SLC2A14: variants seen among roughly 807,000 people sequenced by gnomAD.
SLC2A14 encodes solute carrier family 2, facilitated glucose transporter member 14.
A neutral mutation model predicts 43.0 loss-of-function variants in SLC2A14; 13 were observed. The ratio of observed to expected loss-of-function variants is 0.30; its 90% confidence interval spans 0.20 to 0.48. SLC2A14 has a LOEUF of 0.48. Ranked by LOEUF, SLC2A14 falls within the 20% of genes least tolerant of loss-of-function variation. The pLI is 0.99. For synonymous variants in SLC2A14, 190 were observed against 233.8 expected, an observed-to-expected ratio of 0.81 and a Z score of 1.71; for missense variants, 428 against 620.4, an observed-to-expected ratio of 0.69 and a Z score of 3.29.
chr12:7,815,300 TA>T (rs1863337416), intron 10 of SLC2A14, among the ~76,000 whole-genome samples: 1 of 151,454 alleles, frequency 6.6e-6, no homozygotes, highest in African/African-American at 2.4e-5. Context: ...CCTGTAATCC[TA>T]GCTACTCAGG....
chr12:7,862,568 C>T (rs1044135962), intron 2 of SLC2A14, among the ~76,000 whole-genome samples: 10 of 152,128 alleles, frequency 6.6e-5, no homozygotes, highest in Non-Finnish European at 1.5e-4. Context: ...CTAAGGAATG[C>T]GAGCACATGG....
intron 2 of SLC2A14, among the ~76,000 whole-genome samples, chr12:7,837,499 C>T (rs1469262192): frequency 6.6e-6 from 1 of 151,976 alleles, no homozygotes; most frequent in East Asian, 1.9e-4. Context: ...ACTAGCCAGC[C>T]ATAGTGGCGC....
intron 1 of SLC2A14, among the ~76,000 whole-genome samples, chr12:7,880,625 G>A (rs10846111): frequency 0.44 from 65,122 of 146,358 alleles, 14,798 homozygotes; most frequent in Middle Eastern, 0.58. Context: ...TCAGGAGATC[G>A]AGACCATCCT....
At position 7,816,323 on chromosome 12, in the gene SLC2A14, C is replaced by A. The variant is rs1863451752; in HGVS notation, c.1275+1508G>T. Among the ~76,000 whole-genome samples, 2 of 51,930 alleles carry A rather than the reference C, an allele frequency of 3.9e-5. 1 individual carries two copies. Among genetic ancestry groups the A allele is most frequent in the African/African-American group, 1.7e-4 (2 of 12,038 alleles). The allele number at this position is 51,930 out of a possible 152,430, so 34.1% of individuals were successfully genotyped here. A position where few individuals can be genotyped will look rare whatever the true frequency, so the allele number is the denominator to read the frequency against. On this transcript the variant is annotated intron_variant, in intron 10 of 10. Transcript: ENST00000431042. ...GTTTCACCTTGTTAGCCAGGATGGT[C>A]TCGATCTCCTGACCTCATGATCCAC...
At chr12:7,835,958 TG>T (rs1167584768) in intron 2 of SLC2A14, among the ~76,000 whole-genome samples, 1 of 152,198 alleles carries the variant, frequency 6.6e-6, no homozygotes, top group Non-Finnish European at 1.5e-5. Flanking sequence ...CTGTCTAAAC[TG>T]GGTTTAAATC....
chr12:7,826,004 G>A (rs1220200328), intron 7 of SLC2A14, among the ~76,000 whole-genome samples: 2 of 151,490 alleles, frequency 1.3e-5, no homozygotes, highest in African/African-American at 4.9e-5. Context: ...ACTAACGCAA[G>A]GTACATTCTT....
intron 6 of SLC2A14, 71 bp downstream of exon 6, chr12:7,828,633 A>T: frequency 6.7e-7 from 1 of 1,487,200 alleles, no homozygotes; most frequent in South Asian, 1.2e-5. Context: ...CAGAAAATAG[A>T]TCCAGTACCC....
intron 2 of SLC2A14, among the ~76,000 whole-genome samples, chr12:7,860,917 C>G (rs754060541): frequency 6.6e-6 from 1 of 151,906 alleles, no homozygotes; most frequent in Admixed American, 6.6e-5. Context: ...CTCAGCCTCC[C>G]GAGTAGCTAG....
At chr12:7,833,868 A>C (rs899919002) in intron 2 of SLC2A14, among the ~76,000 whole-genome samples, 2 of 151,940 alleles carry the variant, frequency 1.3e-5, no homozygotes, top group African/African-American at 4.8e-5. Flanking sequence ...CAGCTGGGCA[A>C]GTGGATATTA....
chr12:7,817,102 T>C (rs1023477869), intron 10 of SLC2A14, among the ~76,000 whole-genome samples: 1 of 152,148 alleles, frequency 6.6e-6, no homozygotes, highest in East Asian at 1.9e-4. Flanking sequence ...GAGGGACTAC[T>C]GTATTACTAT....
upstream of SLC2A14, among the ~76,000 whole-genome samples, chr12:7,875,034 TATAAATA>T: frequency 1.7e-5 from 2 of 115,388 alleles, no homozygotes; most frequent in South Asian, 2.5e-4. Flanking sequence ...TAAATACATA[TATAAATA>T]TATATTTATA....
intron 2 of SLC2A14, among the ~76,000 whole-genome samples, chr12:7,857,418 G>A (rs1019604412): frequency 2.0e-4 from 30 of 151,832 alleles, no homozygotes; most frequent in Non-Finnish European, 1.3e-4. Flanking sequence ...GTGAAACCCC[G>A]TCTCTATTAA....
intron 2 of SLC2A14, among the ~76,000 whole-genome samples, chr12:7,865,750 A>G (rs767322065): frequency 6.6e-6 from 1 of 152,118 alleles, no homozygotes; most frequent in Non-Finnish European, 1.5e-5. Flanking sequence ...AGAGTCAAAC[A>G]TATCTCACTT....
At chr12:7,814,787 T>C (rs1863286804) in intron 10 of SLC2A14, among the ~76,000 whole-genome samples, 1 of 152,016 alleles carries the variant, frequency 6.6e-6, no homozygotes, top group Non-Finnish European at 1.5e-5. Flanking sequence ...ATTTTTGGAC[T>C]TTTGAGTATT....
intron 9 of SLC2A14, 57 bp from the exon 10 acceptor site, chr12:7,818,091 A>G: frequency 6.6e-7 from 1 of 1,520,490 alleles, no homozygotes; most frequent in Non-Finnish European, 8.9e-7. Context: ...CCCAGGATCT[A>G]GGTTCCCAGA....
intron 2 of SLC2A14, among the ~76,000 whole-genome samples, chr12:7,846,707 C>T (rs1298410141): frequency 6.7e-6 from 1 of 149,160 alleles, no homozygotes; most frequent in Non-Finnish European, 1.5e-5. Context: ...TCTTGGCTCA[C>T]TCCAACCTCT....
At chr12:7,856,769 A>C (rs780560135) in intron 2 of SLC2A14, among the ~76,000 whole-genome samples, 184 of 152,252 alleles carry the variant, frequency 1.2e-3, no homozygotes, top group African/African-American at 4.3e-3. Flanking sequence ...CTGCTGAGTC[A>C]CAATTTCAGC....
chr12:7,889,264 G>A (rs185576713), intron 1 of SLC2A14, among the ~76,000 whole-genome samples: 2 of 118,042 alleles, frequency 1.7e-5, no homozygotes, highest in African/African-American at 3.3e-5. Flanking sequence ...ACTGAGTTTC[G>A]CTCTTGTTGT....
Position 7,829,942 on chromosome 12 carries a change from T to C in SLC2A14, c.337A>G (p.Lys113Glu), listed in dbSNP as rs765766753. 4.3e-6 allele frequency: 7 copies of C among 1,614,072 alleles called. No homozygotes were observed. In the African/African-American group the frequency reaches 6.7e-5, roughly 15 times the overall value. Residue 113 changes from lysine to glutamate, a missense_variant, in exon 5 of 11, where the codon AAA becomes GAA. Lys to Glu is a moderately conservative substitution (Grantham distance 56). Coordinates refer to ENST00000431042, the MANE Select transcript of SLC2A14 (RefSeq NM_001286234.2). ...AGCATTTCAACTGACTCAGCTATTT[T>C]ACACAGTCCCATAAGGCAGCCACCA... ...ATGGCLMGLC[K>E]IAESVEMLIL...
Sources: allele counts gnomAD v4.1 joint callset (sites outside exome capture counted in the v4.1 genomes callset), GRCh38; gene constraint gnomAD v4.1.1; transcripts MANE v1.5; gene names NCBI Gene and HGNC (gene_info 2026-07-23, HGNC 2026-07-21).